Variants in FOCAD observed in about 807,000 individuals in gnomAD.
FOCAD encodes the protein focadhesin.
A neutral mutation model predicts 225.6 loss-of-function variants in FOCAD; 198 were observed. That is an observed-to-expected ratio of 0.88 (90% CI 0.78 to 0.99). The LOEUF is 0.99. FOCAD is among the 50% of genes least tolerant of loss of function. FOCAD has a pLI of 0.00. For missense variants in FOCAD, 2,713 were observed against 2,123.6 expected (o/e 1.28, Z -5.46); for synonymous variants, 897 against 755.0 (o/e 1.19, Z -3.08).
intron 42 of FOCAD, among the ~76,000 whole-genome samples, chr9:20,992,795 T>C (rs886646294): frequency 6.6e-5 from 10 of 151,894 alleles, no homozygotes; most frequent in African/African-American, 2.4e-4. Context: ...CTGTCTCTAC[T>C]AAGAAAAAAA....
chr9:20,809,837 A>T (rs771040126), intron 11 of FOCAD, among the ~76,000 whole-genome samples: 1 of 152,078 alleles, frequency 6.6e-6, no homozygotes, highest in Non-Finnish European at 1.5e-5. Context: ...TGATGGCTGG[A>T]TATGTAACTC....
chr9:20,912,736 T>G (rs919038350), intron 22 of FOCAD, 130 bp from the exon 23 acceptor site: 16 of 640,762 alleles, frequency 2.5e-5, no homozygotes, highest in Non-Finnish European at 3.3e-5. Flanking sequence ...ACATCCTCTT[T>G]CATAATCTAA....
chr9:20,947,584 C>G (rs563584096), intron 30 of FOCAD, among the ~76,000 whole-genome samples: 1 of 151,900 alleles, frequency 6.6e-6, no homozygotes, highest in African/African-American at 2.4e-5. Context: ...GTATTGATTG[C>G]ATAGCAGTAT....
chr9:20,699,050 C>T (rs998056234), intron 1 of FOCAD, among the ~76,000 whole-genome samples: 1 of 152,144 alleles, frequency 6.6e-6, no homozygotes, highest in African/African-American at 2.4e-5. Context: ...AGACTTTCAG[C>T]TTCATGGTGC....
intron 29 of FOCAD, among the ~76,000 whole-genome samples, chr9:20,946,002 G>A (rs1002027766): frequency 2.0e-5 from 3 of 152,062 alleles, no homozygotes; most frequent in African/African-American, 4.8e-5. Flanking sequence ...AAGTTACTAC[G>A]CTAGTAAATG....
At chr9:20,896,152 T>C (rs1401223846) in intron 21 of FOCAD, among the ~76,000 whole-genome samples, 1 of 151,950 alleles carries the variant, frequency 6.6e-6, no homozygotes, top group African/African-American at 2.4e-5. Context: ...CCTGTTGATA[T>C]GTGGGAATAA....
intron 14 of FOCAD, among the ~76,000 whole-genome samples, chr9:20,822,480 C>T (rs1353724366): frequency 6.6e-6 from 1 of 151,930 alleles, no homozygotes; most frequent in African/African-American, 2.4e-5. Context: ...CAGTGCCTGG[C>T]ATGAGATAGG....
intron 21 of FOCAD, among the ~76,000 whole-genome samples, chr9:20,895,167 C>G (rs557493729): frequency 3.7e-4 from 56 of 152,090 alleles, no homozygotes; most frequent in African/African-American, 1.3e-3. Context: ...TATTCTGTTT[C>G]TTTGATCTAT....
In FOCAD at chr9:20,995,665, A is replaced by G. The variant is rs140754937; in HGVS notation, c.*36A>G. ...AGTAACCAGCAGCATTCTCAGCTGG[A>G]TGAGGAAAACCATATAAGTGGAAGA... is the stretch of plus-strand genomic sequence containing the variant. On this transcript the variant is annotated 3_prime_UTR_variant, in exon 44 of 44. Coordinates refer to ENST00000338382, the MANE Select transcript of FOCAD (RefSeq NM_001375567.1). 1.2e-3 allele frequency: 1,872 copies of G among 1,576,482 alleles called. No individual in the cohort carries two copies. Among genetic ancestry groups the G allele is most frequent in the Non-Finnish European group, 1.4e-3 (1,657 of 1,147,024 alleles).
Position 20,758,103 on chromosome 9 carries a change from C to G in FOCAD, c.406C>G (p.Pro136Ala). 6.2e-7 allele frequency: 1 copy of G among 1,606,384 alleles called. No individual in the cohort carries two copies. The change falls in exon 6 of 44, where the codon CCT becomes GCT. Residue 136 changes from proline to alanine, a missense_variant. By Grantham distance (27) the Pro-to-Ala change is conservative. Coordinates refer to ENST00000338382, the MANE Select transcript of FOCAD (RefSeq NM_001375567.1). ...TGTGTCTTTCAGAAATCATCCTCAT[C>G]CTTTGATAACTGTGCTTGAACACAG... ...SIYTIRNHPH[P>A]LITVLEHRPD...
At chr9:20,861,039 G>A (rs1361220726) in intron 15 of FOCAD, among the ~76,000 whole-genome samples, 2 of 151,922 alleles carry the variant, frequency 1.3e-5, no homozygotes, top group African/African-American at 4.8e-5. Flanking sequence ...TGTGATTTCT[G>A]TTCATTCTTT....
rs779170000 is a variant in FOCAD, at chr9:20,770,061, G to A, written c.729G>A (p.Ala243=). Residue 243 remains alanine, a synonymous_variant, in exon 8 of 44, where the codon GCG becomes GCA. Coordinates refer to ENST00000338382, the MANE Select transcript of FOCAD (RefSeq NM_001375567.1). ...AAGATTTGATACAGACAACAGAGGCGATGATGTTTATTGAGGAAGTATGTT... is the reference window on the plus strand; with the variant it reads ...AAGATTTGATACAGACAACAGAGGCAATGATGTTTATTGAGGAAGTATGTT... The part of the protein sequence containing the change: ...QVKDLIQTTE[A]MMFIEEVCLS... 8 of 1,614,000 alleles carry A rather than the reference G, an allele frequency of 5.0e-6. No homozygotes were observed. Among genetic ancestry groups the A allele is most frequent in the Admixed American group, 3.3e-5 (2 of 59,986 alleles).
intron 2 of FOCAD, among the ~76,000 whole-genome samples, chr9:20,673,931 T>A (rs1822153530): frequency 6.6e-6 from 1 of 152,264 alleles, no homozygotes; most frequent in Non-Finnish European, 1.5e-5. Context: ...TAAAAGTTTT[T>A]CTACATTCCT....
chr9:20,700,845 C>T (rs763547904), intron 1 of FOCAD, among the ~76,000 whole-genome samples: 1 of 152,162 alleles, frequency 6.6e-6, no homozygotes, highest in Non-Finnish European at 1.5e-5. Context: ...CACAATAATT[C>T]AGCAAACATT....
rs560720177 is a variant in FOCAD at position 20,887,986 on chromosome 9, G to A, written c.2625+2756G>A. Among the ~76,000 whole-genome samples the A allele has an allele frequency of 2.4e-4, 36 of 150,708 alleles. No homozygotes were observed. In the East Asian group the frequency reaches 5.0e-3, roughly 21 times the overall value. On this transcript the variant is annotated intron_variant, in intron 21 of 43. Transcript: ENST00000338382. Reference sequence around the variant, plus strand: ...TCATGTGTTTATTTTGTATGTATCTGTTTTCTTCCTGAAGTGTTTGCTCTG... The same window carrying A: ...TCATGTGTTTATTTTGTATGTATCTATTTTCTTCCTGAAGTGTTTGCTCTG...
intron 29 of FOCAD, among the ~76,000 whole-genome samples, chr9:20,945,764 C>G (rs556650634): frequency 6.6e-6 from 1 of 152,220 alleles, no homozygotes; most frequent in Admixed American, 6.5e-5. Context: ...CTTAAGCAAG[C>G]AGTTTTTTTT....
intron 5 of FOCAD, among the ~76,000 whole-genome samples, chr9:20,750,965 A>G (rs1385703273): frequency 1.3e-5 from 2 of 152,078 alleles, no homozygotes; most frequent in African/African-American, 4.8e-5. Context: ...GTTATACAGT[A>G]TTCGCTCTGG....
rs141840469 is a variant in FOCAD at position 20,850,447 on chromosome 9, G to A, written c.1921-12131G>A. The stretch of plus-strand genomic sequence containing the variant: ...ATGTGGATTTTATGAAATGGATGAT[G>A]GTAGATATAAATTGCTATGGCATTT... On this transcript the variant is annotated intron_variant, in intron 15 of 43. Transcript: ENST00000338382. Among the ~76,000 whole-genome samples the A allele has an allele frequency of 2.6e-3, 400 of 151,704 alleles. 3 individuals are homozygous for A. The highest frequency in any genetic ancestry group is 9.4e-3 in the African/African-American group (390 of 41,448).
At chr9:20,989,509 C>G (rs181300416) in intron 41 of FOCAD, among the ~76,000 whole-genome samples, 3 of 152,150 alleles carry the variant, frequency 2.0e-5, no homozygotes, top group East Asian at 3.9e-4. Flanking sequence ...TGGATAGATC[C>G]TGGACAGGTG....
Sources: gnomAD v4.1 joint callset for allele counts (sites outside exome capture counted in the v4.1 genomes callset) on GRCh38, gnomAD v4.1.1 for gene constraint, MANE v1.5 for transcripts, NCBI Gene and HGNC (gene_info 2026-07-23, HGNC 2026-07-21) for gene names.